FBN2: variants seen among roughly 807,000 people sequenced by gnomAD.
FBN2 encodes the protein fibrillin 2.
A neutral mutation model predicts 355.6 loss-of-function variants in FBN2; 105 were observed. The observed-to-expected ratio is 0.30, with a 90% confidence interval of 0.25 to 0.35. The LOEUF (loss-of-function observed/expected upper bound fraction) is 0.35. Ranked by LOEUF, FBN2 falls within the 10% of genes least tolerant of loss-of-function variation. The pLI is 1.00. For synonymous variants in FBN2, 1,350 were observed against 1,301.2 expected, an observed-to-expected ratio of 1.04 and a Z score of -0.81; for missense variants, 3,280 against 3,758.7, an observed-to-expected ratio of 0.87 and a Z score of 3.33.
chr5:128,511,933 A>T (rs894560699), intron 5 of FBN2, among the ~76,000 whole-genome samples: 7 of 152,242 alleles, frequency 4.6e-5, no homozygotes, highest in Non-Finnish European at 1.0e-4. Context: ...ACTTGTGTAT[A>T]GGAAAAGGGC....
intron 5 of FBN2, among the ~76,000 whole-genome samples, chr5:128,475,835 T>C (rs1754994551): frequency 6.6e-6 from 1 of 152,120 alleles, no homozygotes; most frequent in African/African-American, 2.4e-5. Context: ...TACAGTGAAA[T>C]AGCATTCACA....
At chr5:128,389,333 A>T (rs545861942) in intron 11 of FBN2, among the ~76,000 whole-genome samples, 4 of 152,350 alleles carry the variant, frequency 2.6e-5, no homozygotes, top group African/African-American at 9.6e-5. Context: ...ATGCTGGCAG[A>T]GGCCCATCTG....
intron 16 of FBN2, among the ~76,000 whole-genome samples, chr5:128,367,170 C>T (rs1472707005): frequency 1.8e-4 from 28 of 152,098 alleles, no homozygotes; most frequent in Non-Finnish European, 1.5e-5. Flanking sequence ...ACAAGTAAAA[C>T]TCTCAAAGTT....
intron 7 of FBN2, among the ~76,000 whole-genome samples, chr5:128,410,877 G>A (rs1225976443): frequency 2.0e-5 from 3 of 152,120 alleles, no homozygotes; most frequent in African/African-American, 7.2e-5. Context: ...CTCAGGTTTT[G>A]TATAAAAAAT....
intron 5 of FBN2, among the ~76,000 whole-genome samples, chr5:128,495,356 C>T (rs1354444664): frequency 6.6e-6 from 1 of 151,744 alleles, no homozygotes; most frequent in Non-Finnish European, 1.5e-5. Context: ...AAAGGAAATA[C>T]CAGAGGAAGA....
rs2307109 is a variant in FBN2, at chr5:128,287,355, G to T, written c.6833C>A (p.Thr2278Lys). 6 of 1,613,854 alleles carry T rather than the reference G, an allele frequency of 3.7e-6. No individual in the cohort carries two copies. In the African/African-American group the frequency reaches 4.0e-5, roughly 11 times the overall value. Residue 2278 changes from threonine (T) to lysine (K), a missense_variant, in exon 54 of 65, where the codon ACG becomes AAG. Physicochemically the swap from Thr to Lys is moderately conservative, Grantham distance 78. Transcript: ENST00000262464. Reference protein sequence around the residue: ...CMNTFGSYECTCPIGYALRED... With the variant: ...CMNTFGSYECKCPIGYALRED... The stretch of plus-strand genomic sequence containing the variant: ...CCTGAGGGCATAGCCAATCGGGCAC[G>T]TGCATTCATAGGACCCAAAAGTGTT...
rs772182774 is a variant in FBN2, at chr5:128,361,793, G to C, written c.2484C>G (p.Asn828Lys). The part of the protein sequence containing the change: ...RLLCDNGLCR[N>K]TPGSYSCTCP... ...ACGTACAGCTGTAACTTCCTGGCGT[G>C]TTTCGGCACAATCCGTTATCACAAA... is the stretch of plus-strand genomic sequence containing the variant. The change falls in exon 19 of 65, where the codon AAC becomes AAG. Residue 828 changes from asparagine to lysine, a missense_variant. This residue lies in a region of FBN2 where 2,284 missense variants were observed against 2,749.5 expected (regional missense o/e 0.83). Transcript: ENST00000262464. 1 of 1,614,084 alleles carries C rather than the reference G, an allele frequency of 6.2e-7. No homozygotes were observed. The highest frequency in any genetic ancestry group is 8.5e-7 in the Non-Finnish European group (1 of 1,179,974).
At chr5:128,290,234 C>CCCAGAGG (rs1340989800) in intron 50 of FBN2, among the ~76,000 whole-genome samples, 1 of 152,208 alleles carries the variant, frequency 6.6e-6, no homozygotes, top group Non-Finnish European at 1.5e-5. Context: ...CCATCCCTAA[C>CCCAGAGG]CCAGAGGCCA....
At chr5:128,465,127 T>C (rs1754674975) in intron 5 of FBN2, among the ~76,000 whole-genome samples, 1 of 152,194 alleles carries the variant, frequency 6.6e-6, no homozygotes, top group African/African-American at 2.4e-5. Flanking sequence ...CACTAGACAC[T>C]GTAAATGGGT....
At chr5:128,297,555 C>T (rs1315396171) in intron 48 of FBN2, among the ~76,000 whole-genome samples, 1 of 152,206 alleles carries the variant, frequency 6.6e-6, no homozygotes, top group Admixed American at 6.5e-5. Context: ...GGACAGTTCA[C>T]TCTTCTTGTT....
intron 48 of FBN2, 131 bp downstream of exon 48, chr5:128,300,686 T>C (rs1749688979): frequency 1.1e-6 from 1 of 902,872 alleles, no homozygotes; most frequent in African/African-American, 1.6e-5. Context: ...AAAACAGATG[T>C]AGGCAGCTAT....
chr5:128,438,819 C>T (rs1753843538), intron 7 of FBN2, among the ~76,000 whole-genome samples: 3 of 152,096 alleles, frequency 2.0e-5, no homozygotes. Context: ...AATACATTTA[C>T]ATGGTTCAAA....
At chr5:128,507,932 T>C (rs1032271988) in intron 5 of FBN2, among the ~76,000 whole-genome samples, 14 of 152,042 alleles carry the variant, frequency 9.2e-5, no homozygotes, top group African/African-American at 3.4e-4. Flanking sequence ...TTTTATTTCA[T>C]GTATTTTGAA....
chr5:128,311,098 T>C (rs974268668), intron 39 of FBN2, among the ~76,000 whole-genome samples: 2 of 151,530 alleles, frequency 1.3e-5, no homozygotes, highest in Non-Finnish European at 2.9e-5. Flanking sequence ...CCTGGAAAAA[T>C]ACAGTGAATT....
intron 2 of FBN2, 33 bp downstream of exon 2, chr5:128,536,369 T>C (rs780741212): frequency 6.4e-7 from 1 of 1,573,836 alleles, no homozygotes; most frequent in Admixed American, 1.7e-5. Context: ...CCGAGTGCGC[T>C]GCCCCAAGCT....
At chr5:128,328,891 A>C in intron 33 of FBN2, 70 bp from the exon 34 acceptor site, 13 of 1,540,652 alleles carry the variant, frequency 8.4e-6, no homozygotes, top group Non-Finnish European at 1.1e-5. Flanking sequence ...CTTGCTCTAT[A>C]AATAGATCAG....
intron 39 of FBN2, 64 bp downstream of exon 39, chr5:128,311,236 C>A: frequency 2.5e-6 from 4 of 1,578,354 alleles, no homozygotes; most frequent in Non-Finnish European, 1.7e-6. Context: ...GCCTTTCCCT[C>A]AGGCCTCAGC....
intron 7 of FBN2, among the ~76,000 whole-genome samples, chr5:128,436,477 C>T (rs1753769990): frequency 6.6e-6 from 1 of 152,106 alleles, no homozygotes; most frequent in Non-Finnish European, 1.5e-5. Context: ...CTATGCTCTG[C>T]CTCCCAACAT....
intron 34 of FBN2, among the ~76,000 whole-genome samples, chr5:128,326,000 T>A (rs961719539): frequency 4.6e-5 from 7 of 152,336 alleles, no homozygotes; most frequent in African/African-American, 1.7e-4. Flanking sequence ...ATAAAGTACC[T>A]ATGGAAAATT....
Sources: allele counts gnomAD v4.1 joint callset (sites outside exome capture counted in the v4.1 genomes callset), GRCh38; gene constraint gnomAD v4.1.1; regional missense constraint gnomAD v4.1.1; transcripts MANE v1.5; gene names NCBI Gene and HGNC (gene_info 2026-07-23, HGNC 2026-07-21).